SOX6: variants seen among roughly 807,000 people sequenced by gnomAD.
SOX6 encodes SRY-box transcription factor 6, also known as transcription factor SOX-6.
SOX6 carries 11 observed loss-of-function variants against 97.8 expected under a neutral mutation model. The ratio of observed to expected loss-of-function variants is 0.11; its 90% CI spans 0.07 to 0.19. The LOEUF is 0.19. Ranked by LOEUF, SOX6 falls within the 10% of genes least tolerant of loss-of-function variation. The probability of loss-of-function intolerance (pLI) is 1.00; values close to 1 mark genes in which losing one functional copy is unlikely to be tolerated. For synonymous variants in SOX6, 360 were observed against 371.4 expected, an observed-to-expected ratio of 0.97 and a Z score of 0.35; for missense variants, 810 against 1,039.5, an observed-to-expected ratio of 0.78 and a Z score of 3.04.
At chr11:16,409,302 AAC>A (rs1491065724) in intron 1 of SOX6, among the ~76,000 whole-genome samples, 1 of 151,818 alleles carries the variant, frequency 6.6e-6, no homozygotes, top group East Asian at 1.9e-4. Flanking sequence ...AAAAAAAAAA[AAC>A]AGGCAGAGGA....
intron 2 of SOX6, among the ~76,000 whole-genome samples, chr11:16,729,419 A>C (rs1449589174): frequency 6.6e-6 from 1 of 152,222 alleles, no homozygotes; most frequent in East Asian, 1.9e-4. Flanking sequence ...AGTGGGGGCC[A>C]ATATTCAACA....
intron 2 of SOX6, among the ~76,000 whole-genome samples, chr11:16,727,125 T>TA (rs1330610976): frequency 6.7e-6 from 1 of 148,252 alleles, no homozygotes; most frequent in African/African-American, 2.7e-5. Context: ...CCAGTACACC[T>TA]AACCCCCATC....
At chr11:16,692,706 A>G (rs1294913041) in intron 3 of SOX6, among the ~76,000 whole-genome samples, 2 of 152,244 alleles carry the variant, frequency 1.3e-5, no homozygotes, top group Non-Finnish European at 2.9e-5. Context: ...TATATTTTTC[A>G]TATCATTACA....
chr11:16,429,248 A>C (rs915903883), intron 1 of SOX6, among the ~76,000 whole-genome samples: 1 of 152,184 alleles, frequency 6.6e-6, no homozygotes, highest in Non-Finnish European at 1.5e-5. Context: ...TAGTTCAACC[A>C]TTGTGGAGGA....
chr11:16,572,970 T>C (rs1057371675), intron 4 of SOX6, among the ~76,000 whole-genome samples: 1 of 152,204 alleles, frequency 6.6e-6, no homozygotes, highest in Non-Finnish European at 1.5e-5. Flanking sequence ...TCTCTACCTT[T>C]TATATAAAAG....
chr11:16,589,990 A>T (rs964043545), intron 4 of SOX6, among the ~76,000 whole-genome samples: 1 of 152,218 alleles, frequency 6.6e-6, no homozygotes, highest in South Asian at 2.1e-4. Context: ...TGCTATAAAA[A>T]AGGTTAAAAT....
At chr11:16,502,463 T>TA (rs35069723) in intron 4 of SOX6, among the ~76,000 whole-genome samples, 88,678 of 151,036 alleles carry the variant, frequency 0.59, 26,512 homozygotes, top group East Asian at 0.95. Context: ...AGTATAATAA[T>TA]AAAAAAAATC....
intron 2 of SOX6, among the ~76,000 whole-genome samples, chr11:16,734,924 A>G (rs1430334236): frequency 6.6e-6 from 1 of 152,168 alleles, no homozygotes; most frequent in East Asian, 1.9e-4. Flanking sequence ...TAATAGTAGA[A>G]AATAAGACTG....
At chr11:16,107,417 AC>A (rs1849121027) in intron 7 of SOX6, among the ~76,000 whole-genome samples, 1 of 143,128 alleles carries the variant, frequency 7.0e-6, no homozygotes, top group Admixed American at 6.9e-5. Flanking sequence ...ATATATATAT[AC>A]ATATATATAC....
At chr11:16,112,155 A>G (rs1849247358) in intron 6 of SOX6, among the ~76,000 whole-genome samples, 1 of 152,122 alleles carries the variant, frequency 6.6e-6, no homozygotes, top group Admixed American at 6.5e-5. Context: ...CCCTGCTTCC[A>G]CCGAACTGTA....
chr11:16,232,057 A>C (rs1313420687), intron 4 of SOX6, among the ~76,000 whole-genome samples: 2 of 151,870 alleles, frequency 1.3e-5, no homozygotes. Context: ...TCAGAAAAAT[A>C]TAAGAGCTAT....
intron 6 of SOX6, among the ~76,000 whole-genome samples, chr11:16,161,795 T>C (rs954887181): frequency 1.3e-5 from 2 of 152,222 alleles, no homozygotes; most frequent in Admixed American, 6.5e-5. Flanking sequence ...CATTTTCTTG[T>C]TCTCACTTGG....
intron 12 of SOX6, 41 bp downstream of exon 12, chr11:16,046,473 A>G (rs770484869): frequency 1.5e-5 from 24 of 1,606,778 alleles, no homozygotes; most frequent in South Asian, 5.5e-5. Flanking sequence ...GAGTGAGCCA[A>G]TAAGTCTAGC....
At chr11:15,979,616 T>C (rs992847816) in intron 15 of SOX6, among the ~76,000 whole-genome samples, 2 of 152,140 alleles carry the variant, frequency 1.3e-5, no homozygotes, top group Non-Finnish European at 2.9e-5. Flanking sequence ...CTATTCTTCC[T>C]ACCTACTCAC....
At chr11:16,218,680 T>C (rs1852443787) in intron 4 of SOX6, among the ~76,000 whole-genome samples, 1 of 152,162 alleles carries the variant, frequency 6.6e-6, no homozygotes, top group African/African-American at 2.4e-5. Context: ...ATGAAAAATA[T>C]CTCATTTTAA....
chr11:16,535,107 T>C (rs2133172458), intron 4 of SOX6, among the ~76,000 whole-genome samples: 1 of 152,358 alleles, frequency 6.6e-6, no homozygotes, highest in Middle Eastern at 3.4e-3. Context: ...TAGTTTTGTT[T>C]GAGATACTGA....
At chr11:16,162,284 G>A (rs940475943) in intron 6 of SOX6, among the ~76,000 whole-genome samples, 12 of 152,220 alleles carry the variant, frequency 7.9e-5, no homozygotes, top group South Asian at 2.1e-4. Flanking sequence ...TTTAAAGTCC[G>A]ATATTACAAA....
At chr11:16,491,743 GA>G (rs1348983586) in intron 4 of SOX6, among the ~76,000 whole-genome samples, 1 of 152,106 alleles carries the variant, frequency 6.6e-6, no homozygotes, top group African/African-American at 2.4e-5. Flanking sequence ...ACAGAAAAAG[GA>G]ATAAAAACTA....
At chr11:16,622,048 T>C (rs916022090) in intron 3 of SOX6, among the ~76,000 whole-genome samples, 13 of 152,198 alleles carry the variant, frequency 8.5e-5, no homozygotes, top group African/African-American at 3.1e-4. Context: ...TATTTTTAAT[T>C]GATTTTACTT....
Sources: allele counts gnomAD v4.1 joint callset (sites outside exome capture counted in the v4.1 genomes callset), GRCh38; gene constraint gnomAD v4.1.1; transcripts MANE v1.5; gene names NCBI Gene and HGNC (gene_info 2026-07-23, HGNC 2026-07-21).